Variants in MAP3K4 observed in about 807,000 individuals in gnomAD.
MAP3K4 encodes mitogen-activated protein kinase kinase kinase 4.
MAP3K4 carries 67 observed loss-of-function variants against 185.6 expected under a neutral mutation model. The ratio of observed to expected loss-of-function variants is 0.36; its 90% CI spans 0.30 to 0.44. MAP3K4 has a LOEUF of 0.44. Among genes scored for constraint, MAP3K4 ranks in the 20% least tolerant of loss-of-function variants. MAP3K4 has a pLI of 1.00. For missense variants in MAP3K4, 1,551 were observed against 1,995.1 expected (o/e 0.78, Z 4.24); for synonymous variants, 702 against 710.4 (o/e 0.99, Z 0.19).
rs1165647904 is a variant in MAP3K4, at chr6:161,107,713, T to C, written c.4049-186T>C. On this transcript the variant is annotated intron_variant, in intron 20 of 26. Transcript: ENST00000392142. The surrounding 1 kb of genome is among the most constrained non-coding windows in gnomAD (Gnocchi z 6.2). ...GGTAAGACATATTAAAGAGATTGCC[T>C]AAAACTTTAGTTATCAGGGAACATT... Among the ~76,000 whole-genome samples, 1 of 152,236 alleles carries C rather than the reference T, an allele frequency of 6.6e-6. No homozygotes were observed. The highest frequency in any genetic ancestry group is 1.5e-5 in the Non-Finnish European group (1 of 68,046).
intron 1 of MAP3K4, among the ~76,000 whole-genome samples, chr6:161,001,614 C>T (rs1224929806): frequency 6.6e-6 from 1 of 152,178 alleles, no homozygotes; most frequent in Non-Finnish European, 1.5e-5. Flanking sequence ...CTTTTATTGC[C>T]TAATTCCTGG....
chr6:161,083,130 G>A (rs1005896799), intron 6 of MAP3K4, among the ~76,000 whole-genome samples: 2 of 152,080 alleles, frequency 1.3e-5, no homozygotes, highest in African/African-American at 4.8e-5. Context: ...TGCATGGAGT[G>A]CTCTTCCTCC....
chr6:161,116,954 A>G lies in MAP3K4; in HGVS notation c.*84A>G, dbSNP rs376545581. 8 of 1,342,316 alleles carry G rather than the reference A, an allele frequency of 6.0e-6. No homozygotes were observed. The African/African-American group carries it at 1.0e-4, about 17-fold the overall frequency. 83.2% of individuals were successfully genotyped at this position (1,342,316 alleles called of 1,614,324 possible). ...CATAAAGACTGTGCTGAGAAGCAGT[A>G]TAAGCCTTTTTAACCTTCCAAGACT... On this transcript the variant is annotated 3_prime_UTR_variant, in exon 27 of 27. Coordinates refer to ENST00000392142, the MANE Select transcript of MAP3K4 (RefSeq NM_005922.4). The surrounding 1 kb of genome is among the most constrained non-coding windows in gnomAD (Gnocchi z 6.2).
Position 161,067,225 on chromosome 6 carries a change from T to C in MAP3K4, c.1708-3383T>C, listed in dbSNP as rs2114806222. On this transcript the variant is annotated intron_variant, in intron 3 of 26. Coordinates refer to ENST00000392142, the MANE Select transcript of MAP3K4 (RefSeq NM_005922.4). The surrounding 1 kb of genome is among the most constrained non-coding windows in gnomAD (Gnocchi z 6.3). ...GAGACATGAGACATCAATCAATATA[T>C]GTAAGATGTACATTGGTTCCATCCA... 3 of 429,266 alleles carry C rather than the reference T, an allele frequency of 7.0e-6. No individual in the cohort carries two copies. Among genetic ancestry groups the C allele is most frequent in the African/African-American group, 2.0e-5 (1 of 49,094 alleles). The allele number at this position is 429,266 out of a possible 1,614,324, so 26.6% of individuals were successfully genotyped here.
At chr6:161,028,400 C>A (rs1782772080) in intron 1 of MAP3K4, among the ~76,000 whole-genome samples, 1 of 152,128 alleles carries the variant, frequency 6.6e-6, no homozygotes, top group Non-Finnish European at 1.5e-5. Context: ...AACAATCCTT[C>A]ATTCTTGTAG....
At chr6:161,041,674 A>G (rs1783459586) in intron 2 of MAP3K4, among the ~76,000 whole-genome samples, 1 of 152,142 alleles carries the variant, frequency 6.6e-6, no homozygotes, top group South Asian at 2.1e-4. Context: ...TTGGGCCTCA[A>G]GTGGGGCTGC....
In MAP3K4 at chr6:160,996,122, ATGT is replaced by A. The variant is rs67542024; in HGVS notation, c.152+4040_152+4042del. On this transcript the variant is annotated intron_variant, in intron 1 of 26. Transcript: ENST00000392142. This position sits in a 1 kb window ranked among gnomAD's most constrained non-coding sequence, Gnocchi z 4.5. ...CTGTGTGTTTCAGTCTTGACCTTGT[ATGT>A]CAACTGTTCTCCCTGGCAAAGTCAG... Among the ~76,000 whole-genome samples, 13,748 of 152,120 alleles carry A rather than the reference ATGT, an allele frequency of 0.09. 782 individuals carry two copies. The highest frequency in any genetic ancestry group is 0.17 in the African/African-American group (6,964 of 41,472).
rs568358494 is a variant in MAP3K4 at position 161,076,013 on chromosome 6, C to T, written c.2097+2401C>T. 3.3e-5 allele frequency among the ~76,000 whole-genome samples: 5 copies of T among 152,100 alleles called. No homozygotes were observed. In the South Asian group the frequency reaches 8.3e-4, roughly 25 times the overall value. ...TTAACACCCTTGTCTGGAAACCCACCGAAAACAGCAAATGGAAAAATTCCT... is the reference window on the plus strand; with the variant it reads ...TTAACACCCTTGTCTGGAAACCCACTGAAAACAGCAAATGGAAAAATTCCT... On this transcript the variant is annotated intron_variant, in intron 5 of 26. Coordinates refer to ENST00000392142, the MANE Select transcript of MAP3K4 (RefSeq NM_005922.4). This position sits in a 1 kb window ranked among gnomAD's most constrained non-coding sequence, Gnocchi z 4.2.
At chr6:161,041,163 A>G (rs1190738088) in intron 2 of MAP3K4, among the ~76,000 whole-genome samples, 1 of 152,210 alleles carries the variant, frequency 6.6e-6, no homozygotes, top group Non-Finnish European at 1.5e-5. Context: ...AAGGAATAGC[A>G]GGAGGACCAG....
chr6:161,097,154 A>T lies in MAP3K4; in HGVS notation c.3502A>T (p.Ile1168Phe). The T allele has an allele frequency of 1.2e-6, 2 of 1,614,096 alleles. No individual in the cohort carries two copies. Among genetic ancestry groups the T allele is most frequent in the Non-Finnish European group, 1.7e-6 (2 of 1,179,994 alleles). ...HSDPPNPHLI[I>F]PTPEGFSTRS... is the part of the protein sequence containing the mutation. ...TGACCCTCCTAACCCACACCTCATT[A>T]TCCCCACTCCAGAGGGATTCAGGTA... The change falls in exon 16 of 27, where the codon ATC becomes TTC. Residue 1168 changes from isoleucine to phenylalanine, a missense_variant. Physicochemically the swap from Ile to Phe is conservative, Grantham distance 21. Around this residue, in one of 16 missense-constraint regions of MAP3K4, gnomAD observed 272 missense variants for 301.2 expected, o/e 0.90. Transcript: ENST00000392142. The surrounding 1 kb of genome is among the most constrained non-coding windows in gnomAD (Gnocchi z 4.9).
At chr6:161,044,956 C>T (rs1437324347) in intron 2 of MAP3K4, among the ~76,000 whole-genome samples, 2 of 152,122 alleles carry the variant, frequency 1.3e-5, no homozygotes, top group Non-Finnish European at 2.9e-5. Flanking sequence ...TCTCATCAGG[C>T]CCCACTTCCA....
intron 6 of MAP3K4, among the ~76,000 whole-genome samples, chr6:161,083,371 G>A (rs767028955): frequency 2.0e-5 from 3 of 152,136 alleles, no homozygotes; most frequent in Non-Finnish European, 2.9e-5. Context: ...CTGCTGCTTA[G>A]TACGTAATAG....
chr6:161,111,485 T>G (rs895863216), intron 23 of MAP3K4, among the ~76,000 whole-genome samples: 3 of 152,252 alleles, frequency 2.0e-5, no homozygotes, highest in Non-Finnish European at 4.4e-5. Flanking sequence ...CGCTGCTGAT[T>G]GTACACATCT....
At position 161,108,985 on chromosome 6, in the gene MAP3K4, C is replaced by T. The variant is rs1778228039; in HGVS notation, c.4236+126C>T. 1 of 1,605,178 alleles carries T rather than the reference C, an allele frequency of 6.2e-7. No individual in the cohort carries two copies. The highest frequency in any genetic ancestry group is 1.1e-5 in the South Asian group (1 of 90,078). ...ACTTTGCCTAATTCTCAGGAAATCT[C>T]CATGAGTTACATCATTTCTGCCTTC... On this transcript the variant is annotated intron_variant, in intron 22 of 26. Transcript: ENST00000392142. The surrounding 1 kb of genome is among the most constrained non-coding windows in gnomAD (Gnocchi z 5.7).
At chr6:161,045,336 A>T (rs1169205607) in intron 2 of MAP3K4, among the ~76,000 whole-genome samples, 2 of 152,154 alleles carry the variant, frequency 1.3e-5, no homozygotes, top group Non-Finnish European at 2.9e-5. Flanking sequence ...TCTGAACACA[A>T]AATTTCAAAA....
intron 2 of MAP3K4, among the ~76,000 whole-genome samples, chr6:161,039,291 A>AAAC (rs1281108952): frequency 6.6e-6 from 1 of 151,848 alleles, no homozygotes; most frequent in African/African-American, 2.4e-5. Context: ...AAAAAAAAAA[A>AAAC]AAAAAAAAAC....
Position 161,091,230 on chromosome 6 carries a change from C to T in MAP3K4, c.2974-149C>T. 5.5e-6 allele frequency: 3 copies of T among 542,424 alleles called. No individual in the cohort carries two copies. Among genetic ancestry groups the T allele is most frequent in the East Asian group, 3.1e-5 (1 of 32,714 alleles). The allele number at this position is 542,424 out of a possible 1,614,324, so 33.6% of individuals were successfully genotyped here. ...AATGCCAAATAAAATGACATAATTT[C>T]TTCTATATTTGGTAATTCCTTTACC... On this transcript the variant is annotated intron_variant, in intron 11 of 26. Coordinates refer to ENST00000392142, the MANE Select transcript of MAP3K4 (RefSeq NM_005922.4). This position sits in a 1 kb window ranked among gnomAD's most constrained non-coding sequence, Gnocchi z 5.5.
chr6:161,096,007 GT>G lies in MAP3K4; in HGVS notation c.3428-1064del, dbSNP rs915241586. Among the ~76,000 whole-genome samples the G allele has an allele frequency of 2.7e-5, 4 of 150,158 alleles. No homozygotes were observed. Among genetic ancestry groups the G allele is most frequent in the South Asian group, 2.1e-4 (1 of 4,716 alleles). On this transcript the variant is annotated intron_variant, in intron 15 of 26. Transcript: ENST00000392142. The surrounding 1 kb of genome is among the most constrained non-coding windows in gnomAD (Gnocchi z 4.9). ...CAATTAAAGACTCACCAAATCTTTTGTTTTTTTTTAACCTTTGTTACTATTG... is the reference window on the plus strand; with the variant it reads ...CAATTAAAGACTCACCAAATCTTTTGTTTTTTTTAACCTTTGTTACTATTG...
At chr6:161,009,992 C>T (rs1402172284) in intron 1 of MAP3K4, among the ~76,000 whole-genome samples, 1 of 151,996 alleles carries the variant, frequency 6.6e-6, no homozygotes, top group Non-Finnish European at 1.5e-5. Context: ...CAAACCTGCA[C>T]GTCCTGCACA....
Sources: gnomAD v4.1 joint callset for allele counts (sites outside exome capture counted in the v4.1 genomes callset) on GRCh38, gnomAD v4.1.1 for gene constraint, gnomAD v4.1.1 regional missense constraint, Gnocchi (gnomAD v3.1) non-coding constraint, MANE v1.5 for transcripts, NCBI Gene and HGNC (gene_info 2026-07-23, HGNC 2026-07-21) for gene names.